ZNF138: variants seen among roughly 807,000 people sequenced by gnomAD.
The protein encoded by ZNF138 is zinc finger protein 138 (clone pHZ-32).
A neutral mutation model predicts 33.0 loss-of-function variants in ZNF138; 33 were observed. That is an observed-to-expected ratio of 1.00 (90% CI 0.76 to 1.34). The LOEUF (loss-of-function observed/expected upper bound fraction) is 1.34. ZNF138 is among the 40% of genes most tolerant of loss of function. The pLI, the probability that ZNF138 is intolerant of heterozygous loss-of-function variation, is 0.00. For synonymous variants in ZNF138, 139 were observed against 120.4 expected (o/e 1.15, Z -1.01); for missense variants, 360 against 370.8 (o/e 0.97, Z 0.24).
At chr7:64,801,528 G>A (rs146879811) in intron 1 of ZNF138, among the ~76,000 whole-genome samples, 88 of 152,196 alleles carry the variant, frequency 5.8e-4, no homozygotes, top group Admixed American at 3.9e-3. Context: ...TGAGTATGTG[G>A]TTGGTATAAT....
intron 3 of ZNF138, among the ~76,000 whole-genome samples, chr7:64,819,283 T>C (rs1350668771): frequency 6.6e-6 from 1 of 152,160 alleles, no homozygotes; most frequent in Non-Finnish European, 1.5e-5. Context: ...ATGGAAATAG[T>C]CTTATTTTTA....
chr7:64,815,194 T>A, intron 2 of ZNF138, 150 bp downstream of exon 2: 1 of 902,302 alleles, frequency 1.1e-6, no homozygotes, highest in Non-Finnish European at 1.5e-6. Context: ...TTTGTCAGTG[T>A]AGAAAACAAT....
intron 1 of ZNF138, among the ~76,000 whole-genome samples, chr7:64,807,832 C>G (rs541048860): frequency 6.6e-6 from 1 of 152,266 alleles, no homozygotes; most frequent in South Asian, 2.1e-4. Context: ...ATGGCAGAAT[C>G]TGTAAGTGTA....
chr7:64,829,061 A>C (rs1400331046), intron 3 of ZNF138, among the ~76,000 whole-genome samples: 1 of 152,140 alleles, frequency 6.6e-6, no homozygotes, highest in Non-Finnish European at 1.5e-5. Flanking sequence ...TTTGTCATAG[A>C]AAGTGATCTA....
chr7:64,838,928 T>C, the ZNF138 span, among the ~76,000 whole-genome samples: 2 of 152,038 alleles, frequency 1.3e-5, no homozygotes, highest in Admixed American at 6.5e-5. Flanking sequence ...AAGATGGCAG[T>C]GGTGCAGAAG....
chr7:64,839,790 C>T, the ZNF138 span, among the ~76,000 whole-genome samples: 2 of 152,044 alleles, frequency 1.3e-5, no homozygotes, highest in African/African-American at 4.8e-5. Context: ...TAGGAGGTGT[C>T]CCCTCCCGTG....
intron 3 of ZNF138, among the ~76,000 whole-genome samples, chr7:64,828,566 T>G (rs1250587814): frequency 6.6e-6 from 1 of 152,176 alleles, no homozygotes; most frequent in Non-Finnish European, 1.5e-5. Context: ...GACCGAAATT[T>G]GCATTGCTTT....
the ZNF138 span, among the ~76,000 whole-genome samples, chr7:64,846,361 C>G: frequency 6.6e-6 from 1 of 152,108 alleles, no homozygotes; most frequent in East Asian, 1.9e-4. Flanking sequence ...GCATTGTGGT[C>G]ATTTTCACTA....
chr7:64,842,176 G>C, the ZNF138 span, among the ~76,000 whole-genome samples: 1 of 152,180 alleles, frequency 6.6e-6, no homozygotes, highest in South Asian at 2.1e-4. Flanking sequence ...CAATGCTCCT[G>C]CCTCAGCCTC....
At chr7:64,815,743 A>ACAGAT in intron 3 of ZNF138, 90 bp downstream of exon 3, 5 of 1,198,396 alleles carry the variant, frequency 4.2e-6, no homozygotes, top group South Asian at 1.5e-5. Flanking sequence ...GGAAATCTGT[A>ACAGAT]TTCCAAAGGA....
At chr7:64,834,638 TGA>T (rs1179115891), downstream of ZNF138, among the ~76,000 whole-genome samples, 2 of 152,212 alleles carry the variant, frequency 1.3e-5, no homozygotes, top group Non-Finnish European at 2.9e-5. Context: ...ATCAAAGGTA[TGA>T]GAGATTCTTT....
chr7:64,808,038 C>T (rs1262075170), intron 1 of ZNF138, among the ~76,000 whole-genome samples: 1 of 152,190 alleles, frequency 6.6e-6, no homozygotes, highest in Non-Finnish European at 1.5e-5. Flanking sequence ...TTAGAATCAG[C>T]CTGTCCCACT....
rs372794890 is a variant in ZNF138, at chr7:64,805,411, C to CAAAAAA, written c.4-9501_4-9496dup. Among the ~76,000 whole-genome samples, 296 of 127,032 alleles carry CAAAAAA rather than the reference C, an allele frequency of 2.3e-3. 2 individuals are homozygous for CAAAAAA. Among genetic ancestry groups the CAAAAAA allele is most frequent in the African/African-American group, 7.5e-3 (287 of 38,298 alleles). The allele number at this position is 127,032 out of a possible 152,430, so 83.3% of individuals were successfully genotyped here. A position where few individuals can be genotyped will look rare whatever the true frequency, so the allele number is the denominator to read the frequency against. On this transcript the variant is annotated intron_variant, in intron 1 of 3. Coordinates refer to ENST00000307355, the MANE Select transcript of ZNF138 (RefSeq NM_001271639.2). ...AAGACTCTGTCTCAAAAAAACAAAA[C>CAAAAAA]AAAAAAAAAAACTGAGGCTGAAACA...
At chr7:64,841,640 A>C in the ZNF138 span, among the ~76,000 whole-genome samples, 2 of 152,110 alleles carry the variant, frequency 1.3e-5, no homozygotes. Context: ...AATTATCTTT[A>C]GTTTTGTTTG....
At chr7:64,822,762 A>G (rs1395266549) in intron 3 of ZNF138, among the ~76,000 whole-genome samples, 2 of 152,224 alleles carry the variant, frequency 1.3e-5, no homozygotes, top group African/African-American at 4.8e-5. Context: ...TTTTAATCAA[A>G]TTTAAAAATT....
At chr7:64,854,096 A>G in the ZNF138 span, among the ~76,000 whole-genome samples, 1 of 152,210 alleles carries the variant, frequency 6.6e-6, no homozygotes, top group South Asian at 2.1e-4. Flanking sequence ...AAATTGAATA[A>G]TTGGTTACAT....
chr7:64,831,174 G>C, intron 3 of ZNF138: 1 of 1,463,336 alleles, frequency 6.8e-7, no homozygotes. Flanking sequence ...AGAAAGAGCT[G>C]TGTTGGGTAA....
At chr7:64,808,191 A>C (rs926674511) in intron 1 of ZNF138, among the ~76,000 whole-genome samples, 1 of 152,180 alleles carries the variant, frequency 6.6e-6, no homozygotes, top group African/African-American at 2.4e-5. Context: ...CGTCTGTCTC[A>C]GTGTAAGAGA....
chr7:64,847,134 T>G, the ZNF138 span, among the ~76,000 whole-genome samples: 1 of 151,952 alleles, frequency 6.6e-6, no homozygotes, highest in Non-Finnish European at 1.5e-5. Flanking sequence ...GGATTATTTT[T>G]TAATATGTTG....
Sources: gnomAD v4.1 joint callset for allele counts (sites outside exome capture counted in the v4.1 genomes callset) on GRCh38, gnomAD v4.1.1 for gene constraint, MANE v1.5 for transcripts, NCBI Gene and HGNC (gene_info 2026-07-23, HGNC 2026-07-21) for gene names.